Variants in RUNX1 observed in about 807,000 individuals in gnomAD.
The protein encoded by RUNX1 is RUNX family transcription factor 1.
Under a neutral mutation model 42.8 loss-of-function variants are expected in RUNX1, and 19 were observed. The ratio of observed to expected loss-of-function variants is 0.44; its 90% CI spans 0.31 to 0.65. The LOEUF is 0.65. Among genes scored for constraint, RUNX1 ranks in the 30% least tolerant of loss-of-function variants. The probability of loss-of-function intolerance (pLI) is 0.07; values close to 1 mark genes in which losing one functional copy is unlikely to be tolerated. For missense variants in RUNX1, 528 were observed against 672.0 expected, an observed-to-expected ratio of 0.79 and a Z score of 2.37; for synonymous variants, 271 against 289.4, an observed-to-expected ratio of 0.94 and a Z score of 0.64.
chr21:34,977,940 G>C (rs1341835959), intron 2 of RUNX1, among the ~76,000 whole-genome samples: 1 of 133,128 alleles, frequency 7.5e-6, no homozygotes, highest in African/African-American at 2.8e-5. Context: ...TTTTTTTTTT[G>C]AGACGGAGTC....
intron 2 of RUNX1, among the ~76,000 whole-genome samples, chr21:34,987,887 A>G (rs1367619031): frequency 6.6e-6 from 1 of 152,202 alleles, no homozygotes. Context: ...GTGATGCCAG[A>G]GATCCAGGCT....
chr21:34,988,243 C>T (rs1295376106), intron 2 of RUNX1, among the ~76,000 whole-genome samples: 1 of 152,128 alleles, frequency 6.6e-6, no homozygotes, highest in Admixed American at 6.5e-5. Context: ...TCAGTACGGT[C>T]CTTCTTCCCT....
intron 2 of RUNX1, among the ~76,000 whole-genome samples, chr21:34,995,435 CTTT>C (rs5843694): frequency 0.033 from 2,666 of 81,912 alleles, 39 homozygotes; most frequent in African/African-American, 0.12. Context: ...TTTCTGGGAG[CTTT>C]TTTTTTTTTT....
intron 5 of RUNX1, among the ~76,000 whole-genome samples, chr21:34,867,599 G>A (rs1301160256): frequency 6.6e-6 from 1 of 152,172 alleles, no homozygotes; most frequent in Non-Finnish European, 1.5e-5. Flanking sequence ...AGGAGTGGAG[G>A]GGCGGGCCTC....
At chr21:34,935,151 C>T (rs2058475802) in intron 2 of RUNX1, among the ~76,000 whole-genome samples, 1 of 152,120 alleles carries the variant, frequency 6.6e-6, no homozygotes, top group Non-Finnish European at 1.5e-5. Flanking sequence ...TGAAAATAAT[C>T]TGTCACTCAT....
chr21:34,804,744 T>TTA (rs1349364184), intron 7 of RUNX1, among the ~76,000 whole-genome samples: 5 of 133,380 alleles, frequency 3.7e-5, no homozygotes, highest in African/African-American at 1.5e-4. Context: ...GATGGAAACT[T>TTA]TTTTTTTTTT....
At chr21:34,995,322 C>T (rs201371573) in intron 2 of RUNX1, among the ~76,000 whole-genome samples, 18 of 149,686 alleles carry the variant, frequency 1.2e-4, no homozygotes, top group Middle Eastern at 6.8e-3. Context: ...AAATTAAAAG[C>T]GATAAAATGA....
intron 2 of RUNX1, among the ~76,000 whole-genome samples, chr21:34,989,004 CTCTCTCTCTCTT>C (rs1435458221): frequency 1.8e-5 from 2 of 108,924 alleles, no homozygotes; most frequent in Non-Finnish European, 3.4e-5. Context: ...ATCTCTCTCT[CTCTCTCTCTCTT>C]TTTTTTTTTT....
At chr21:34,887,556 C>T (rs2058016683) in intron 3 of RUNX1, 1 of 1,128,504 alleles carries the variant, frequency 8.9e-7, no homozygotes. Flanking sequence ...CAGTTTTTTG[C>T]AGGTGAGTTT....
intron 2 of RUNX1, among the ~76,000 whole-genome samples, chr21:34,919,474 A>G (rs576232160): frequency 4.6e-5 from 7 of 152,112 alleles, no homozygotes; most frequent in African/African-American, 1.7e-4. Context: ...TCGATTTTGC[A>G]TGGAAGCTCC....
intron 2 of RUNX1, among the ~76,000 whole-genome samples, chr21:34,898,672 CA>C (rs2058149031): frequency 6.6e-6 from 1 of 152,182 alleles, no homozygotes; most frequent in Admixed American, 6.5e-5. Flanking sequence ...ACAAACGCAC[CA>C]GTGGATTGTG....
chr21:34,830,546 C>T (rs961921280), intron 7 of RUNX1, among the ~76,000 whole-genome samples: 18 of 152,264 alleles, frequency 1.2e-4, no homozygotes, highest in African/African-American at 2.9e-4. Flanking sequence ...GGATTCTTCT[C>T]GACACTGGTC....
chr21:34,950,926 A>G (rs747404855), intron 2 of RUNX1, among the ~76,000 whole-genome samples: 5 of 152,240 alleles, frequency 3.3e-5, no homozygotes, highest in Non-Finnish European at 5.9e-5. Context: ...AAATATAATT[A>G]AAGTTCTGTT....
At chr21:34,844,572 GGACA>G (rs1229801226) in intron 6 of RUNX1, among the ~76,000 whole-genome samples, 1 of 150,614 alleles carries the variant, frequency 6.6e-6, no homozygotes, top group Non-Finnish European at 1.5e-5. Flanking sequence ...CATAAATGCT[GGACA>G]AATAAATGAA....
chr21:34,951,210 C>T (rs9979153), intron 2 of RUNX1, among the ~76,000 whole-genome samples: 10,563 of 152,228 alleles, frequency 0.069, 507 homozygotes, highest in African/African-American at 0.12. Context: ...TTCTAAAAGT[C>T]GGCGAGAGGT....
intron 2 of RUNX1, among the ~76,000 whole-genome samples, chr21:34,943,300 C>T (rs1006933198): frequency 2.0e-5 from 3 of 149,546 alleles, no homozygotes; most frequent in Non-Finnish European, 3.0e-5. Context: ...AGGAACATTT[C>T]CCCCTTTAAC....
chr21:34,982,932 G>T lies in RUNX1; in HGVS notation c.58+65910C>A, dbSNP rs150664747. On this transcript the variant is annotated intron_variant, in intron 2 of 8. Transcript: ENST00000675419. Reference sequence around the variant, plus strand: ...AACCATCTTTCAAGGTCTTATAACCGTTAGGTGGTAGAACCAAGATTTGAA... The same window carrying T: ...AACCATCTTTCAAGGTCTTATAACCTTTAGGTGGTAGAACCAAGATTTGAA... Among the ~76,000 whole-genome samples the T allele has an allele frequency of 2.6e-4, 39 of 152,346 alleles. No individual in the cohort carries two copies. The East Asian group carries it at 7.3e-3, about 29-fold the overall frequency.
intron 5 of RUNX1, among the ~76,000 whole-genome samples, chr21:34,880,158 G>GC (rs1423378619): frequency 6.6e-6 from 1 of 152,180 alleles, no homozygotes; most frequent in African/African-American, 2.4e-5. Flanking sequence ...TTCACAGATA[G>GC]CCCACAGATC....
intron 2 of RUNX1, among the ~76,000 whole-genome samples, chr21:35,036,480 C>T (rs1240266641): frequency 6.6e-6 from 1 of 152,050 alleles, no homozygotes; most frequent in Non-Finnish European, 1.5e-5. Context: ...CCGAACCCCT[C>T]CAGAAAGGGA....
Sources: allele counts gnomAD v4.1 joint callset (sites outside exome capture counted in the v4.1 genomes callset), GRCh38; gene constraint gnomAD v4.1.1; transcripts MANE v1.5; gene names NCBI Gene and HGNC (gene_info 2026-07-23, HGNC 2026-07-21).